ERBB4: variants seen among roughly 807,000 people sequenced by gnomAD.
The protein encoded by ERBB4 is erb-b2 receptor tyrosine kinase 4, also known as receptor tyrosine-protein kinase erbB-4.
A neutral mutation model predicts 158.0 loss-of-function variants in ERBB4; 42 were observed. The observed-to-expected ratio is 0.27, with a 90% confidence interval of 0.21 to 0.34. The LOEUF is 0.34. Ranked by LOEUF, ERBB4 falls within the 10% of genes least tolerant of loss-of-function variation. The probability of loss-of-function intolerance (pLI) is 1.00; values close to 1 mark genes in which losing one functional copy is unlikely to be tolerated. For synonymous variants in ERBB4, 583 were observed against 558.7 expected, an observed-to-expected ratio of 1.04 and a Z score of -0.61; for missense variants, 1,333 against 1,624.1, an observed-to-expected ratio of 0.82 and a Z score of 3.08.
At chr2:211,592,405 G>T (rs1431293085) in intron 19 of ERBB4, among the ~76,000 whole-genome samples, 1 of 152,124 alleles carries the variant, frequency 6.6e-6, no homozygotes, top group Admixed American at 6.6e-5. Context: ...AAGGCTAGGT[G>T]ATTAAAGGAA....
At chr2:211,954,820 T>C (rs1233722776) in intron 2 of ERBB4, among the ~76,000 whole-genome samples, 1 of 152,088 alleles carries the variant, frequency 6.6e-6, no homozygotes, top group African/African-American at 2.4e-5. Context: ...ACAGCATGTC[T>C]GAGAATATCT....
In ERBB4 at chr2:211,786,985, T is replaced by A. The variant is rs571977091; in HGVS notation, c.556+1040A>T. 2.6e-5 allele frequency among the ~76,000 whole-genome samples: 4 copies of A among 152,334 alleles called. No individual in the cohort carries two copies. In the East Asian group the frequency reaches 7.7e-4, roughly 29 times the overall value. ...CAAGAAAATTATGTTACTCTACTTTTTACATAAAGTTTTAGCCATTTATTA... is the reference window on the plus strand; with the variant it reads ...CAAGAAAATTATGTTACTCTACTTTATACATAAAGTTTTAGCCATTTATTA... On this transcript the variant is annotated intron_variant, in intron 4 of 27. Transcript: ENST00000342788.
At chr2:212,470,741 C>A (rs753353613) in intron 1 of ERBB4, among the ~76,000 whole-genome samples, 15 of 152,012 alleles carry the variant, frequency 9.9e-5, no homozygotes, top group Admixed American at 7.9e-4. Flanking sequence ...TAACTTCAAC[C>A]CTTTGGGGGA....
rs186407510 is a variant in ERBB4 at position 211,988,997 on chromosome 2, T to C, written c.235-41381A>G. 3.5e-3 allele frequency among the ~76,000 whole-genome samples: 533 copies of C among 152,152 alleles called. 1 individual carries two copies. Among genetic ancestry groups the C allele is most frequent in the Non-Finnish European group, 5.6e-3 (382 of 67,908 alleles). On this transcript the variant is annotated intron_variant, in intron 2 of 27. Transcript: ENST00000342788. ...CTCTTCTTTAACAGAAACTCTAAGA[T>C]GGTATTGTCATTTTTTCCAAGGTTC...
rs766775657 is a variant in ERBB4 at position 211,712,067 on chromosome 2, T to G, written c.1107A>C (p.Leu369=). 1.1e-5 allele frequency: 18 copies of G among 1,612,214 alleles called. No homozygotes were observed. The East Asian group carries it at 3.3e-4, about 30-fold the overall frequency. Residue 369 remains leucine, a synonymous_variant, in exon 9 of 28, where the codon CTA becomes CTC. Transcript: ENST00000342788. ...CTKINGNLIF[L]VTGIHGDPYN... ...ATACTGACCCATGAATACCAGTGAC[T>G]AGAAAGATCAAATTCCCATTGATCT... is the stretch of plus-strand genomic sequence containing the variant.
rs2071541053 is a variant in ERBB4 at position 211,664,349 on chromosome 2, G to C, written c.1871+974C>G. Among the ~76,000 whole-genome samples the C allele has an allele frequency of 2.6e-5, 4 of 151,966 alleles. No homozygotes were observed. The South Asian group carries it at 6.2e-4, about 24-fold the overall frequency. On this transcript the variant is annotated intron_variant, in intron 15 of 27. Transcript: ENST00000342788. ...CAAATGTGTGTGTGTGTGTGTGTGT[G>C]TGTGTGTCTGTATGCGTCTGTGTGT...
chr2:212,458,172 C>T (rs113846137), intron 1 of ERBB4, among the ~76,000 whole-genome samples: 3,546 of 152,024 alleles, frequency 0.023, 56 homozygotes, highest in African/African-American at 0.045. Flanking sequence ...AAAGCAGAAA[C>T]ATTGGAAAGC....
intron 1 of ERBB4, among the ~76,000 whole-genome samples, chr2:212,215,437 G>T (rs2083068201): frequency 6.6e-6 from 1 of 151,298 alleles, no homozygotes; most frequent in Non-Finnish European, 1.5e-5. Flanking sequence ...TTCTTGCTGT[G>T]TGTATTGTGC....
At chr2:212,082,505 G>A (rs2078477371) in intron 2 of ERBB4, among the ~76,000 whole-genome samples, 1 of 152,050 alleles carries the variant, frequency 6.6e-6, no homozygotes, top group Non-Finnish European at 1.5e-5. Context: ...AATGGCATAT[G>A]TGGGTATTAG....
At chr2:211,845,058 G>A (rs1310411432) in intron 3 of ERBB4, among the ~76,000 whole-genome samples, 1 of 152,066 alleles carries the variant, frequency 6.6e-6, no homozygotes, top group Non-Finnish European at 1.5e-5. Context: ...AGGAAGCATG[G>A]TCAGTATTGT....
chr2:211,651,929 T>C (rs1328624792), intron 16 of ERBB4, among the ~76,000 whole-genome samples: 2 of 152,198 alleles, frequency 1.3e-5, no homozygotes, highest in South Asian at 4.1e-4. Context: ...CCTGTAATTT[T>C]ACCTGTGGAA....
chr2:212,164,188 C>T (rs1373038561), intron 1 of ERBB4, among the ~76,000 whole-genome samples: 1 of 151,874 alleles, frequency 6.6e-6, no homozygotes, highest in South Asian at 2.1e-4. Flanking sequence ...CTGTCCAATA[C>T]AGTAGCCACT....
chr2:211,682,965 CTCTTA>C (rs1308475200), intron 12 of ERBB4, among the ~76,000 whole-genome samples: 2 of 148,412 alleles, frequency 1.3e-5, no homozygotes, highest in African/African-American at 2.5e-5. Context: ...TTCTTCTTTT[CTCTTA>C]TGTTTTGGAT....
At position 212,502,937 on chromosome 2, in the gene ERBB4, A is replaced by C. The variant is rs1575040751; in HGVS notation, c.82+35512T>G. On this transcript the variant is annotated intron_variant, in intron 1 of 27. Coordinates refer to ENST00000342788, the MANE Select transcript of ERBB4 (RefSeq NM_005235.3). ...AGGAACATGCCACCATGCCCAGCTA[A>C]TTTTTCGTACAGACAGGGTTTTGGC... Among the ~76,000 whole-genome samples the C allele has an allele frequency of 5.9e-5, 9 of 151,960 alleles. No homozygotes were observed. The South Asian group carries it at 1.9e-3, about 32-fold the overall frequency.
chr2:212,138,023 G>A (rs73987245), intron 1 of ERBB4, among the ~76,000 whole-genome samples: 4,355 of 152,234 alleles, frequency 0.029, 146 homozygotes, highest in African/African-American at 0.079. Context: ...TACAATCTAT[G>A]TCACAGATTT....
At chr2:211,922,702 G>C (rs12998591) in intron 3 of ERBB4, among the ~76,000 whole-genome samples, 5 of 151,958 alleles carry the variant, frequency 3.3e-5, no homozygotes, top group Admixed American at 3.3e-4. Flanking sequence ...AACTGCTTAC[G>C]AGGAGGTAGA....
intron 7 of ERBB4, 131 bp from the exon 8 acceptor site, chr2:211,713,779 C>A (rs1429658232): frequency 7.7e-6 from 5 of 652,040 alleles, no homozygotes; most frequent in Non-Finnish European, 1.4e-5. Context: ...TACCCTTAAA[C>A]AACTCTTTGT....
chr2:212,175,393 C>T (rs956978326), intron 1 of ERBB4, among the ~76,000 whole-genome samples: 3 of 151,818 alleles, frequency 2.0e-5, no homozygotes, highest in African/African-American at 7.3e-5. Flanking sequence ...TTCCTTTCTC[C>T]CTCCTTCTGT....
At chr2:212,258,189 A>G (rs894256560) in intron 1 of ERBB4, among the ~76,000 whole-genome samples, 1 of 152,130 alleles carries the variant, frequency 6.6e-6, no homozygotes, top group Admixed American at 6.6e-5. Context: ...AAGGTTCTGA[A>G]TACCCTAAAA....
Sources: gnomAD v4.1 joint callset for allele counts (sites outside exome capture counted in the v4.1 genomes callset) on GRCh38, gnomAD v4.1.1 for gene constraint, MANE v1.5 for transcripts, NCBI Gene and HGNC (gene_info 2026-07-23, HGNC 2026-07-21) for gene names.